Variants in EPHA5 observed in about 807,000 individuals in gnomAD.
EPHA5 encodes EPH receptor A5, also known as ephrin type-A receptor 5.
In EPHA5, 60 loss-of-function variants were observed where a neutral mutation model predicts 105.0. That is an observed-to-expected ratio of 0.57 (90% CI 0.46 to 0.71). The LOEUF is 0.71. Ranked by LOEUF, EPHA5 falls within the 30% of genes least tolerant of loss-of-function variation. The pLI is 0.00. For synonymous variants in EPHA5, 513 were observed against 449.1 expected (o/e 1.14, Z -1.80); for missense variants, 1,218 against 1,274.7 (o/e 0.96, Z 0.68).
intron 1 of EPHA5, among the ~76,000 whole-genome samples, chr4:65,667,177 C>T (rs188911785): frequency 1.3e-5 from 2 of 152,216 alleles, no homozygotes; most frequent in Admixed American, 6.5e-5. Context: ...AAAGCCCAAA[C>T]ATTTTATGAA....
intron 5 of EPHA5, among the ~76,000 whole-genome samples, chr4:65,428,402 AAC>A (rs1724656644): frequency 6.6e-6 from 1 of 152,084 alleles, no homozygotes; most frequent in African/African-American, 2.4e-5. Flanking sequence ...GTGCATTCTC[AAC>A]ACACTTAGTA....
chr4:65,640,488 G>A (rs534328611), intron 2 of EPHA5, among the ~76,000 whole-genome samples: 2 of 151,838 alleles, frequency 1.3e-5, no homozygotes, highest in Non-Finnish European at 2.9e-5. Context: ...GGGTGTCCCC[G>A]TGTTAGCCAG....
intron 8 of EPHA5, among the ~76,000 whole-genome samples, chr4:65,386,086 T>G (rs1720055407): frequency 6.6e-6 from 1 of 151,876 alleles, no homozygotes; most frequent in Admixed American, 6.6e-5. Context: ...TTAAAGATTT[T>G]TTTATATCCC....
intron 16 of EPHA5, chr4:65,331,000 A>T: frequency 9.6e-7 from 1 of 1,043,112 alleles, no homozygotes; most frequent in Non-Finnish European, 1.2e-6. Flanking sequence ...GAATTCAATG[A>T]ATCAAAGAAT....
At chr4:65,385,838 T>A (rs1029870913) in intron 8 of EPHA5, among the ~76,000 whole-genome samples, 5 of 151,744 alleles carry the variant, frequency 3.3e-5, no homozygotes, top group Non-Finnish European at 7.4e-5. Context: ...GAAAAATATT[T>A]TAATATTATA....
intron 4 of EPHA5, among the ~76,000 whole-genome samples, chr4:65,494,406 A>G (rs1731715774): frequency 6.6e-6 from 1 of 152,188 alleles, no homozygotes; most frequent in African/African-American, 2.4e-5. Context: ...GGGACCTAAA[A>G]TAGTAAATCC....
intron 3 of EPHA5, among the ~76,000 whole-genome samples, chr4:65,597,997 A>C (rs1743352122): frequency 6.6e-6 from 1 of 152,220 alleles, no homozygotes; most frequent in African/African-American, 2.4e-5. Context: ...GCAAGTACTC[A>C]GTCACCTGCC....
chr4:65,601,390 T>C (rs1743709637), intron 3 of EPHA5, among the ~76,000 whole-genome samples: 1 of 152,166 alleles, frequency 6.6e-6, no homozygotes, highest in Non-Finnish European at 1.5e-5. Context: ...GCAAAGTGAA[T>C]ATGAAATATT....
At chr4:65,343,270 G>T (rs1239525219) in intron 14 of EPHA5, among the ~76,000 whole-genome samples, 1 of 152,114 alleles carries the variant, frequency 6.6e-6, no homozygotes, top group Non-Finnish European at 1.5e-5. Context: ...TTGAATCAGA[G>T]TTCATGGTCT....
chr4:65,519,506 T>G (rs1386029952), intron 3 of EPHA5, among the ~76,000 whole-genome samples: 1 of 152,040 alleles, frequency 6.6e-6, no homozygotes, highest in Non-Finnish European at 1.5e-5. Flanking sequence ...CTCTTCAACA[T>G]AGTGTTGGAA....
intron 16 of EPHA5, among the ~76,000 whole-genome samples, chr4:65,325,182 C>A (rs1338495405): frequency 2.0e-5 from 3 of 151,326 alleles, no homozygotes; most frequent in African/African-American, 7.3e-5. Flanking sequence ...AAAGTGGAAT[C>A]TTTTTCCATT....
At chr4:65,551,064 G>A (rs1218433035) in intron 3 of EPHA5, among the ~76,000 whole-genome samples, 5 of 151,174 alleles carry the variant, frequency 3.3e-5, no homozygotes, top group Non-Finnish European at 5.9e-5. Context: ...TTACATATTT[G>A]TACATATACA....
At chr4:65,594,538 T>C (rs910562439) in intron 3 of EPHA5, among the ~76,000 whole-genome samples, 10 of 152,222 alleles carry the variant, frequency 6.6e-5, no homozygotes, top group African/African-American at 1.7e-4. Flanking sequence ...ACTAAAAATA[T>C]ATACAACCTC....
intron 11 of EPHA5, among the ~76,000 whole-genome samples, chr4:65,353,862 AT>A (rs1400855060): frequency 6.6e-6 from 1 of 151,262 alleles, no homozygotes; most frequent in South Asian, 2.1e-4. Context: ...TTTTCTTTTC[AT>A]TTTTTAAAGC....
chr4:65,462,142 T>A (rs1016695834), intron 5 of EPHA5, among the ~76,000 whole-genome samples: 2 of 152,144 alleles, frequency 1.3e-5, no homozygotes, highest in African/African-American at 2.4e-5. Flanking sequence ...TTCCGAATTA[T>A]CATCTTTTGA....
At chr4:65,489,762 C>T (rs1186142291) in intron 5 of EPHA5, among the ~76,000 whole-genome samples, 5 of 152,112 alleles carry the variant, frequency 3.3e-5, no homozygotes, top group Non-Finnish European at 7.4e-5. Flanking sequence ...TTCCCTACTC[C>T]CTAATAATTA....
chr4:65,554,931 A>G (rs1738260580), intron 3 of EPHA5, among the ~76,000 whole-genome samples: 1 of 145,328 alleles, frequency 6.9e-6, no homozygotes, highest in Admixed American at 7.1e-5. Flanking sequence ...AGAGATGAGA[A>G]GAATTCACTT....
At chr4:65,444,057 T>C (rs1348146963) in intron 5 of EPHA5, among the ~76,000 whole-genome samples, 1 of 152,174 alleles carries the variant, frequency 6.6e-6, no homozygotes, top group African/African-American at 2.4e-5. Flanking sequence ...TTTGAAAGGC[T>C]GATATAGTGG....
At chr4:65,522,314 A>ATGTGTG (rs71269046) in intron 3 of EPHA5, among the ~76,000 whole-genome samples, 1 of 122,152 alleles carries the variant, frequency 8.2e-6, no homozygotes, top group African/African-American at 3.0e-5. Context: ...GTATATATAT[A>ATGTGTG]TGTATATATA....
Sources: gnomAD v4.1 joint callset for allele counts (sites outside exome capture counted in the v4.1 genomes callset) on GRCh38, gnomAD v4.1.1 for gene constraint, MANE v1.5 for transcripts, NCBI Gene and HGNC (gene_info 2026-07-23, HGNC 2026-07-21) for gene names.